NKAPD1: variants seen among roughly 807,000 people sequenced by gnomAD.
NKAPD1 encodes the protein uncharacterized protein NKAPD1.
NKAPD1 carries 12 observed loss-of-function variants against 30.9 expected under a neutral mutation model. The ratio of observed to expected loss-of-function variants is 0.39; its 90% CI spans 0.25 to 0.63. The LOEUF (loss-of-function observed/expected upper bound fraction) is 0.63. Ranked by LOEUF, NKAPD1 falls within the 20% of genes least tolerant of loss-of-function variation. The pLI, the probability that NKAPD1 is intolerant of heterozygous loss-of-function variation, is 0.51. For synonymous variants in NKAPD1, 91 were observed against 113.6 expected (o/e 0.80, Z 1.26); for missense variants, 311 against 344.5 (o/e 0.90, Z 0.77).
rs1854850590 is a variant in NKAPD1 at position 112,074,897 on chromosome 11, G to C, written c.-28G>C. The C allele has an allele frequency of 5.9e-6, 1 of 168,704 alleles. No homozygotes were observed. Among genetic ancestry groups the C allele is most frequent in the African/African-American group, 2.4e-5 (1 of 42,128 alleles). The allele number at this position is 168,704 out of a possible 1,614,324, so 10.5% of individuals were successfully genotyped here. On this transcript the variant is annotated 5_prime_UTR_variant, in exon 1 of 6. Coordinates refer to ENST00000393047, the MANE Select transcript of NKAPD1 (RefSeq NM_018195.4). ...TCTTCGTCTCACTAGCAAGATGCCT[G>C]ATTTCCTCAGGATCAAGGGGTGAGT...
intron 1 of NKAPD1, 73 bp from the exon 2 acceptor site, chr11:112,075,494 T>C (rs1865304554): frequency 8.5e-7 from 1 of 1,170,920 alleles, no homozygotes; most frequent in Admixed American, 2.2e-5. Context: ...CATATGCTTC[T>C]TTATAAAACT....
rs1865516915 is a variant in NKAPD1, at chr11:112,083,830, T to C, written c.*858T>C. 6.6e-6 allele frequency: 1 copy of C among 152,642 alleles called. No homozygotes were observed. The highest frequency in any genetic ancestry group is 1.5e-5 in the Non-Finnish European group (1 of 68,036). 9.5% of individuals were successfully genotyped at this position (152,642 alleles called of 1,614,324 possible). A position where few individuals can be genotyped will look rare whatever the true frequency, so the allele number is the denominator to read the frequency against. ...ATGTTGTCTTGTTCATTTCTAAATC[T>C]GTTCATGAAGTTTAGGTTTTCCCTG... is the stretch of plus-strand genomic sequence containing the variant. On this transcript the variant is annotated 3_prime_UTR_variant, in exon 6 of 6. Coordinates refer to ENST00000393047, the MANE Select transcript of NKAPD1 (RefSeq NM_018195.4).
chr11:112,081,318 C>G (rs1865447495), intron 4 of NKAPD1: 1 of 147,936 alleles, frequency 6.8e-6, no homozygotes, highest in Non-Finnish European at 1.5e-5. Context: ...GAGTGAGACT[C>G]TGTCTCAAGA....
intron 2 of NKAPD1, 57 bp from the exon 3 acceptor site, chr11:112,078,158 C>G: frequency 7.4e-7 from 1 of 1,358,484 alleles, no homozygotes; most frequent in Non-Finnish European, 1.0e-6. Flanking sequence ...AGTTACTTTT[C>G]TGTAATGTAA....
In NKAPD1 at chr11:112,082,583, A is replaced by G. The variant is rs866450998; in HGVS notation, c.493A>G (p.Arg165Gly). ...KKSHKKKQKK[R>G]SHKKQKKSKK... ...ATCCCACAAAAAAAAGCAGAAAAAA[A>G]GGTCACACAAAAAACAGAAGAAAAG... Residue 165 changes from arginine to glycine, a missense_variant, in exon 6 of 6, where the codon AGG becomes GGG. Coordinates refer to ENST00000393047, the MANE Select transcript of NKAPD1 (RefSeq NM_018195.4). The G allele has an allele frequency of 6.2e-7, 1 of 1,613,346 alleles. No homozygotes were observed. The highest frequency in any genetic ancestry group is 1.7e-4 in the Middle Eastern group (1 of 6,060).
chr11:112,075,595 G>A lies in NKAPD1; in HGVS notation c.21G>A (p.Gly7=). 1 of 1,608,748 alleles carries A rather than the reference G, an allele frequency of 6.2e-7. No homozygotes were observed. The highest frequency in any genetic ancestry group is 8.5e-7 in the Non-Finnish European group (1 of 1,178,592). The change falls in exon 2 of 6, where the codon GGG becomes GGA. Residue 7 remains glycine, a synonymous_variant. Transcript: ENST00000393047. The stretch of plus-strand genomic sequence containing the variant: ...GAAGAATGTCCCGGATTCCACTGGG[G>A]AAGGTCCTCCTGAGGAATGTCATCC... MSRIPL[G]KVLLRNVIRH...
Position 112,082,554 on chromosome 11 carries a change from A to G in NKAPD1, c.464A>G (p.Lys155Arg). Residue 155 changes from lysine to arginine, a missense_variant, in exon 6 of 6, where the codon AAG (lysine) becomes AGG (arginine). Coordinates refer to ENST00000393047, the MANE Select transcript of NKAPD1 (RefSeq NM_018195.4). The part of the protein sequence containing the change: ...THESRKHKKS[K>R]KSHKKKQKKR... Reference sequence around the variant, plus strand: ...GAATCCCGCAAACACAAGAAGTCAAAGAAATCCCACAAAAAAAAGCAGAAA... The same window carrying G: ...GAATCCCGCAAACACAAGAAGTCAAGGAAATCCCACAAAAAAAAGCAGAAA... 6.2e-7 allele frequency: 1 copy of G among 1,612,780 alleles called. No individual in the cohort carries two copies. Among genetic ancestry groups the G allele is most frequent in the Non-Finnish European group, 8.5e-7 (1 of 1,179,798 alleles).
At chr11:112,078,002 C>T (rs1176491555) in intron 2 of NKAPD1, among the ~76,000 whole-genome samples, 2 of 151,976 alleles carry the variant, frequency 1.3e-5, no homozygotes, top group African/African-American at 2.4e-5. Flanking sequence ...CATGCTACCA[C>T]GCCCGGCTAA....
Position 112,082,697 on chromosome 11 carries a change from C to T in NKAPD1, c.607C>T (p.Pro203Ser). ...TTCTGGTACAAGGAAAGGGAAACAACCACATAAACGCAAGAAAAAATCCAG... is the reference window on the plus strand; with the variant it reads ...TTCTGGTACAAGGAAAGGGAAACAATCACATAAACGCAAGAAAAAATCCAG... ...GASGTRKGKQ[P>S]HKRKKKSRKK... The change falls in exon 6 of 6, where the codon CCA becomes TCA. Residue 203 changes from proline (P) to serine (S), a missense_variant. Transcript: ENST00000393047. 6.2e-7 allele frequency: 1 copy of T among 1,614,014 alleles called. No individual in the cohort carries two copies. Among genetic ancestry groups the T allele is most frequent in the Non-Finnish European group, 8.5e-7 (1 of 1,179,998 alleles).
chr11:112,080,607 A>G (rs2135250048), intron 4 of NKAPD1, 49 bp downstream of exon 4: 1 of 1,571,112 alleles, frequency 6.4e-7, no homozygotes, highest in South Asian at 1.2e-5. Flanking sequence ...GAGAACGTGT[A>G]CTTATCAAAA....
chr11:112,081,891 A>G (rs1865460836), intron 4 of NKAPD1, 91 bp from the exon 5 acceptor site: 1 of 961,582 alleles, frequency 1.0e-6, no homozygotes. Flanking sequence ...ATGTTTGTGT[A>G]TGCATGTACT....
In NKAPD1 at chr11:112,082,986, T is replaced by C; in HGVS notation, c.*14T>C. On this transcript the variant is annotated 3_prime_UTR_variant, in exon 6 of 6. Transcript: ENST00000393047. ...GAGGATGACTAAATGGGAAACACTT[T>C]TGTTTTCCACATGACTGTGGATATT... 1 of 1,577,092 alleles carries C rather than the reference T, an allele frequency of 6.3e-7. No individual in the cohort carries two copies. The highest frequency in any genetic ancestry group is 1.2e-5 in the South Asian group (1 of 84,584).
rs752127125 is a variant in NKAPD1 at position 112,082,030 on chromosome 11, A to G, written c.369A>G (p.Thr123=). 1.2e-5 allele frequency: 19 copies of G among 1,610,274 alleles called. No individual in the cohort carries two copies. In the Admixed American group the frequency reaches 3.0e-4, roughly 25 times the overall value. ...AGTTATACCCTGAAGAATTTGAAAC[A>G]GACAGGTAAGGAAAATAGGCTTACT... The part of the protein sequence containing the change: ...YKELYPEEFE[T]DSSDQQDITN... The change falls in exon 5 of 6, where the codon ACA becomes ACG. Residue 123 remains threonine, a synonymous_variant. Transcript: ENST00000393047.
intron 3 of NKAPD1, 77 bp from the exon 4 acceptor site, chr11:112,080,332 G>A (rs1865420626): frequency 7.2e-7 from 1 of 1,381,106 alleles, no homozygotes; most frequent in South Asian, 1.2e-5. Context: ...TGTTCCATGA[G>A]TTTTGTGCAT....
rs1411632316 is a variant in NKAPD1, at chr11:112,082,897, GGA to G, written c.811_812del (p.Arg271AspfsTer13). 6.2e-7 allele frequency: 1 copy of G among 1,611,710 alleles called. No homozygotes were observed. Among genetic ancestry groups the G allele is most frequent in the Non-Finnish European group, 8.5e-7 (1 of 1,179,516 alleles). On this transcript the variant is annotated frameshift_variant, in exon 6 of 6. Transcript: ENST00000393047. LOFTEE classifies it high-confidence loss of function. Reference protein sequence around the residue: ...HTSVANNEIQERTNKRTNWKV... With the variant: ...HTSVANNEIQXRTNKRTNWKV... ...CCTCTGTAGCCAACAATGAAATACA[GGA>G]GAGGACAAACAAACGCACAAATTGG...
At chr11:112,075,684 G>A in intron 2 of NKAPD1, 41 bp downstream of exon 2, 1 of 1,586,488 alleles carries the variant, frequency 6.3e-7, no homozygotes, top group Non-Finnish European at 8.6e-7. Context: ...GCTTACTGAA[G>A]GCAAGCAGTG....
chr11:112,082,177 C>T lies in NKAPD1; in HGVS notation c.374+142C>T, dbSNP rs192063174. 47 of 761,516 alleles carry T rather than the reference C, an allele frequency of 6.2e-5. No homozygotes were observed. The Admixed American group carries it at 1.2e-3, about 20-fold the overall frequency. The allele number at this position is 761,516 out of a possible 1,614,324, so 47.2% of individuals were successfully genotyped here. On this transcript the variant is annotated intron_variant, in intron 5 of 5. Coordinates refer to ENST00000393047, the MANE Select transcript of NKAPD1 (RefSeq NM_018195.4). Reference sequence around the variant, plus strand: ...ATAGGTGATTTAGTTAGGAGGTGATCCCTGTTTTCCCATTCTCTGGTTGAT... The same window carrying T: ...ATAGGTGATTTAGTTAGGAGGTGATTCCTGTTTTCCCATTCTCTGGTTGAT...
chr11:112,074,325 C>T lies in NKAPD1; in HGVS notation c.-600C>T, dbSNP rs1865255551. ...TTTTTCTCCCAAACCACTTCTTCCC[C>T]CCTACCCCCCGCCACGCGAGGCTGC... On this transcript the variant is annotated 5_prime_UTR_variant, in exon 1 of 6. Coordinates refer to ENST00000393047, the MANE Select transcript of NKAPD1 (RefSeq NM_018195.4). 5.0e-6 allele frequency: 2 copies of T among 399,270 alleles called. No homozygotes were observed. Among genetic ancestry groups the T allele is most frequent in the Non-Finnish European group, 8.8e-6 (2 of 226,280 alleles). 24.7% of individuals were successfully genotyped at this position (399,270 alleles called of 1,614,324 possible). A position where few individuals can be genotyped will look rare whatever the true frequency, so the allele number is the denominator to read the frequency against.
Position 112,074,338 on chromosome 11 carries a change from C to T in NKAPD1, c.-587C>T, listed in dbSNP as rs1865257328. 2.5e-6 allele frequency: 1 copy of T among 399,302 alleles called. No homozygotes were observed. Among genetic ancestry groups the T allele is most frequent in the Non-Finnish European group, 4.4e-6 (1 of 226,262 alleles). The allele number at this position is 399,302 out of a possible 1,614,324, so 24.7% of individuals were successfully genotyped here. A position where few individuals can be genotyped will look rare whatever the true frequency, so the allele number is the denominator to read the frequency against. ...CCACTTCTTCCCCCCTACCCCCCGC[C>T]ACGCGAGGCTGCGGCGCACGGTATG... On this transcript the variant is annotated 5_prime_UTR_variant, in exon 1 of 6. Coordinates refer to ENST00000393047, the MANE Select transcript of NKAPD1 (RefSeq NM_018195.4).
Sources: allele counts gnomAD v4.1 joint callset (sites outside exome capture counted in the v4.1 genomes callset), GRCh38; gene constraint gnomAD v4.1.1; transcripts MANE v1.5; gene names NCBI Gene and HGNC (gene_info 2026-07-23, HGNC 2026-07-21).